Variants in LRCH1 observed in about 807,000 individuals in gnomAD.
LRCH1 encodes leucine rich repeats and calponin homology domain containing 1.
Under a neutral mutation model 94.9 loss-of-function variants are expected in LRCH1, and 23 were observed. The ratio of observed to expected loss-of-function variants is 0.24; its 90% CI spans 0.17 to 0.34. The LOEUF is 0.34. Ranked by LOEUF, LRCH1 falls within the 10% of genes least tolerant of loss-of-function variation. The probability of loss-of-function intolerance (pLI) is 1.00; values close to 1 mark genes in which losing one functional copy is unlikely to be tolerated. For synonymous variants in LRCH1, 364 were observed against 354.9 expected (o/e 1.03, Z -0.29); for missense variants, 790 against 945.9 (o/e 0.84, Z 2.16).
chr13:46,693,524 A>G (rs1302482674), intron 8 of LRCH1, among the ~76,000 whole-genome samples: 4 of 152,176 alleles, frequency 2.6e-5, no homozygotes, highest in Admixed American at 2.6e-4. Flanking sequence ...AATGTAGTTG[A>G]GGTGTGTGTT....
chr13:46,694,852 C>A (rs1871091964), intron 8 of LRCH1, 41 bp from the exon 9 acceptor site: 2 of 1,610,018 alleles, frequency 1.2e-6, no homozygotes, highest in South Asian at 2.2e-5. Flanking sequence ...CTCTTCTGTT[C>A]ATGAAATCAT....
At chr13:46,693,706 T>C (rs1871029878) in intron 8 of LRCH1, among the ~76,000 whole-genome samples, 1 of 152,244 alleles carries the variant, frequency 6.6e-6, no homozygotes, top group South Asian at 2.1e-4. Flanking sequence ...AAGATCCTTG[T>C]AATACGTTTC....
intron 1 of LRCH1, among the ~76,000 whole-genome samples, chr13:46,578,620 A>T (rs1276008654): frequency 6.6e-6 from 1 of 152,162 alleles, no homozygotes; most frequent in Non-Finnish European, 1.5e-5. Context: ...CAATTCCCTT[A>T]TCCCCTCTAA....
At chr13:46,574,822 G>GTTT (rs754195815) in intron 1 of LRCH1, among the ~76,000 whole-genome samples, 11 of 69,414 alleles carry the variant, frequency 1.6e-4, no homozygotes, top group South Asian at 4.8e-4. Flanking sequence ...TGTGTGTGGG[G>GTTT]TTTTTTTTTT....
chr13:46,675,291 G>T (rs2051656079), intron 3 of LRCH1, among the ~76,000 whole-genome samples: 1 of 152,198 alleles, frequency 6.6e-6, no homozygotes, highest in African/African-American at 2.4e-5. Context: ...TGGGGCATTT[G>T]CCAAAGAAGA....
At chr13:46,599,415 G>A (rs1566167837) in intron 1 of LRCH1, among the ~76,000 whole-genome samples, 1 of 152,012 alleles carries the variant, frequency 6.6e-6, no homozygotes, top group Non-Finnish European at 1.5e-5. Flanking sequence ...TTTTTTTGAG[G>A]ATCTGCCATA....
chr13:46,696,095 A>G (rs1871165374), intron 9 of LRCH1, among the ~76,000 whole-genome samples: 1 of 151,944 alleles, frequency 6.6e-6, no homozygotes, highest in Admixed American at 6.6e-5. Context: ...ACATTGCTTC[A>G]TTTGAGCCTC....
chr13:46,631,921 G>A (rs750132732), intron 1 of LRCH1, among the ~76,000 whole-genome samples: 1 of 152,124 alleles, frequency 6.6e-6, no homozygotes, highest in Non-Finnish European at 1.5e-5. Context: ...CTTAATTCAG[G>A]CCGGGCGTGG....
chr13:46,609,569 A>G (rs1406045807), intron 1 of LRCH1, among the ~76,000 whole-genome samples: 1 of 152,142 alleles, frequency 6.6e-6, no homozygotes, highest in East Asian at 1.9e-4. Context: ...TTTTAGAATG[A>G]AAAAAGGTCT....
At chr13:46,741,551 CA>C in intron 19 of LRCH1, 90 bp from the exon 20 acceptor site, 3 of 1,549,344 alleles carry the variant, frequency 1.9e-6, no homozygotes, top group Non-Finnish European at 1.8e-6. Flanking sequence ...TGCTAGTAAC[CA>C]AAAATGTGTG....
chr13:46,612,550 C>T (rs1360501034), intron 1 of LRCH1, among the ~76,000 whole-genome samples: 2 of 152,152 alleles, frequency 1.3e-5, no homozygotes, highest in Non-Finnish European at 2.9e-5. Context: ...GAGATAGGCT[C>T]ATATGTCTCA....
At position 46,553,385 on chromosome 13, in the gene LRCH1, G is replaced by A. The variant is rs1332295306; in HGVS notation, c.-12G>A. On this transcript the variant is annotated 5_prime_UTR_variant, in exon 1 of 20. Transcript: ENST00000389797. The stretch of plus-strand genomic sequence containing the variant: ...AGGAGCGGCGGGGCGGGGTGGGGGG[G>A]CCCGGGAGAAGATGGCGACGCCGGG... The A allele has an allele frequency of 2.0e-6, 3 of 1,523,876 alleles. No homozygotes were observed. Among genetic ancestry groups the A allele is most frequent in the South Asian group, 2.4e-5 (2 of 81,640 alleles). The allele number at this position is 1,523,876 out of a possible 1,614,324, so 94.4% of individuals were successfully genotyped here.
In LRCH1 at chr13:46,605,436, T is replaced by C. The variant is rs371622827; in HGVS notation, c.308-44765T>C. ...TACTTGTGGCCTGCCAGAGCAGAGG[T>C]ACAAAAAATTCCGGATTATTTTCTG... On this transcript the variant is annotated intron_variant, in intron 1 of 19. Coordinates refer to ENST00000389797, the MANE Select transcript of LRCH1 (RefSeq NM_001164211.2). Among the ~76,000 whole-genome samples the C allele has an allele frequency of 4.0e-4, 61 of 152,298 alleles. 2 individuals are homozygous for C. The highest frequency in any genetic ancestry group is 3.5e-3 in the South Asian group (17 of 4,824).
intron 1 of LRCH1, among the ~76,000 whole-genome samples, chr13:46,605,237 T>C (rs1406567077): frequency 6.6e-6 from 1 of 152,248 alleles, no homozygotes; most frequent in Non-Finnish European, 1.5e-5. Flanking sequence ...TCTGAGTCCT[T>C]TATAAACAGA....
At chr13:46,587,671 TCTGTTGTTGTATAATAA>T (rs1317465865) in intron 1 of LRCH1, among the ~76,000 whole-genome samples, 1 of 152,222 alleles carries the variant, frequency 6.6e-6, no homozygotes, top group Non-Finnish European at 1.5e-5. Context: ...TATTGTTATT[TCTGTTGTTGTATAATAA>T]ACTTTTGGAG....
chr13:46,673,746 ATTTT>A (rs546225715), intron 3 of LRCH1, among the ~76,000 whole-genome samples: 100 of 108,268 alleles, frequency 9.2e-4, no homozygotes, highest in African/African-American at 3.5e-3. Context: ...TCCAAATGGA[ATTTT>A]TTTTTTTTTT....
intron 18 of LRCH1, chr13:46,750,512 A>G (rs1593395043): frequency 6.9e-7 from 1 of 1,442,024 alleles, no homozygotes; most frequent in Non-Finnish European, 9.5e-7. Context: ...TCATCTAAAA[A>G]TTGATGTTTT....
intron 1 of LRCH1, among the ~76,000 whole-genome samples, chr13:46,576,270 C>T (rs1042384874): frequency 3.3e-5 from 5 of 152,218 alleles, no homozygotes; most frequent in African/African-American, 1.2e-4. Flanking sequence ...TATTTTAATA[C>T]TAATGCTCCC....
chr13:46,579,991 A>G (rs1289250729), intron 1 of LRCH1, among the ~76,000 whole-genome samples: 1 of 152,212 alleles, frequency 6.6e-6, no homozygotes, highest in Non-Finnish European at 1.5e-5. Context: ...AAAGTGGCTC[A>G]TGAAGAAGTA....
Sources: allele counts gnomAD v4.1 joint callset (sites outside exome capture counted in the v4.1 genomes callset), GRCh38; gene constraint gnomAD v4.1.1; transcripts MANE v1.5; gene names NCBI Gene and HGNC (gene_info 2026-07-23, HGNC 2026-07-21).